Variants in CNTN4 observed in about 807,000 individuals in gnomAD.
CNTN4 encodes contactin 4.
CNTN4 carries 77 observed loss-of-function variants against 122.5 expected under a neutral mutation model. The observed-to-expected ratio is 0.63, with a 90% CI of 0.52 to 0.76. CNTN4 has a LOEUF of 0.76. Among genes scored for constraint, CNTN4 ranks in the 30% least tolerant of loss-of-function variants. The pLI is 0.00. For synonymous variants in CNTN4, 512 were observed against 447.0 expected (o/e 1.15, Z -1.83); for missense variants, 1,256 against 1,259.1 (o/e 1.00, Z 0.04).
At chr3:2,912,866 A>G (rs1486125151) in intron 12 of CNTN4, among the ~76,000 whole-genome samples, 1 of 152,206 alleles carries the variant, frequency 6.6e-6, no homozygotes, top group Non-Finnish European at 1.5e-5. Flanking sequence ...TAAAGGAAAC[A>G]CAAGGCTGGG....
At chr3:2,214,544 T>C (rs2038756627) in intron 2 of CNTN4, among the ~76,000 whole-genome samples, 1 of 152,162 alleles carries the variant, frequency 6.6e-6, no homozygotes, top group African/African-American at 2.4e-5. Context: ...GTTTCTCAGA[T>C]TGAAGGAGAG....
At chr3:2,621,947 C>G (rs1018843125) in intron 4 of CNTN4, among the ~76,000 whole-genome samples, 7 of 152,166 alleles carry the variant, frequency 4.6e-5, no homozygotes, top group African/African-American at 1.7e-4. Flanking sequence ...CATGCTGCTT[C>G]TTGATATCCA....
At chr3:3,031,066 T>G in intron 16 of CNTN4, 91 bp downstream of exon 16, 2 of 1,554,088 alleles carry the variant, frequency 1.3e-6, no homozygotes, top group East Asian at 2.2e-5. Flanking sequence ...GGTTTAGAAT[T>G]ATGGGAAAAA....
At chr3:2,277,122 A>G (rs1056507440) in intron 2 of CNTN4, among the ~76,000 whole-genome samples, 2 of 152,214 alleles carry the variant, frequency 1.3e-5, no homozygotes, top group African/African-American at 4.8e-5. Context: ...TATGTGTTTT[A>G]GAACCCACAC....
rs115381071 is a variant in CNTN4, at chr3:2,963,149, G to A, written c.1359-25196G>A. ...AAACCTAGTAATTAATTTTCTCACC[G>A]TTTCTCTAGTCTATGCCACATCTGC... is the stretch of plus-strand genomic sequence containing the variant. On this transcript the variant is annotated intron_variant, in intron 13 of 24. Coordinates refer to ENST00000418658, the MANE Select transcript of CNTN4 (RefSeq NM_175607.3). Among the ~76,000 whole-genome samples, 41 of 152,134 alleles carry A rather than the reference G, an allele frequency of 2.7e-4. 1 individual carries two copies. The highest frequency in any genetic ancestry group is 6.8e-3 in the Middle Eastern group (2 of 294).
intron 3 of CNTN4, among the ~76,000 whole-genome samples, chr3:2,527,908 G>A: frequency 6.6e-6 from 1 of 152,036 alleles, no homozygotes; most frequent in South Asian, 2.1e-4. Flanking sequence ...TCTAAAGCAA[G>A]AGTTCTGCTT....
intron 10 of CNTN4, among the ~76,000 whole-genome samples, chr3:2,890,930 A>G (rs17586083): frequency 0.4 from 61,106 of 152,042 alleles, 12,910 homozygotes; most frequent in East Asian, 0.59. Context: ...GTAAAATGCT[A>G]TGGATCTCTG....
intron 6 of CNTN4, among the ~76,000 whole-genome samples, chr3:2,763,233 C>A (rs2090680312): frequency 6.6e-6 from 1 of 152,194 alleles, no homozygotes; most frequent in Non-Finnish European, 1.5e-5. Flanking sequence ...GCGTAAGCCA[C>A]CACACGCAGC....
intron 2 of CNTN4, among the ~76,000 whole-genome samples, chr3:2,146,418 G>A (rs2035250567): frequency 6.6e-6 from 1 of 151,666 alleles, no homozygotes; most frequent in Admixed American, 6.6e-5. Context: ...CTATGTAGTA[G>A]CTTTCCAATT....
At chr3:2,971,448 T>C (rs572128851) in intron 13 of CNTN4, among the ~76,000 whole-genome samples, 67 of 152,300 alleles carry the variant, frequency 4.4e-4, no homozygotes, top group African/African-American at 1.6e-3. Flanking sequence ...AATTCAGTGG[T>C]ATACCATAAG....
At chr3:3,045,017 G>A (rs2125816458) in intron 23 of CNTN4, among the ~76,000 whole-genome samples, 1 of 152,302 alleles carries the variant, frequency 6.6e-6, no homozygotes, top group African/African-American at 2.4e-5. Context: ...AGGGTCCCAT[G>A]CCCACAGAGC....
intron 3 of CNTN4, among the ~76,000 whole-genome samples, chr3:2,566,993 T>C (rs994261778): frequency 6.6e-6 from 1 of 152,186 alleles, no homozygotes; most frequent in African/African-American, 2.4e-5. Flanking sequence ...TAAGCAGATC[T>C]TCATACAGGA....
chr3:2,706,627 C>T (rs938595607), intron 4 of CNTN4, among the ~76,000 whole-genome samples: 1 of 152,076 alleles, frequency 6.6e-6, no homozygotes, highest in African/African-American at 2.4e-5. Flanking sequence ...CTCGGGTGAG[C>T]TACCTATGGT....
rs1328751630 is a variant in CNTN4, at chr3:2,862,280, C to G, written c.455-4472C>G. On this transcript the variant is annotated intron_variant, in intron 7 of 24. Coordinates refer to ENST00000418658, the MANE Select transcript of CNTN4 (RefSeq NM_175607.3). ...AACCATCCAGAGAATTCTGATTGAT[C>G]ATTTGTGTAATCTGTTCAATGAGTA... is the stretch of plus-strand genomic sequence containing the variant. Among the ~76,000 whole-genome samples, 3 of 152,244 alleles carry G rather than the reference C, an allele frequency of 2.0e-5. 1 individual carries two copies. Among genetic ancestry groups the G allele is most frequent in the Middle Eastern group, 6.8e-3 (2 of 294 alleles).
chr3:2,325,747 A>T (rs563829100), intron 2 of CNTN4, among the ~76,000 whole-genome samples: 39 of 152,226 alleles, frequency 2.6e-4, no homozygotes, highest in Non-Finnish European at 3.7e-4. Context: ...AAGAATTTTT[A>T]TTTATATATT....
At chr3:2,985,017 T>A (rs1694417987) in intron 13 of CNTN4, among the ~76,000 whole-genome samples, 1 of 152,272 alleles carries the variant, frequency 6.6e-6, no homozygotes, top group South Asian at 2.1e-4. Context: ...AAATGAGGTA[T>A]CAGATGGTCT....
At chr3:2,384,607 G>A (rs2046166670) in intron 3 of CNTN4, among the ~76,000 whole-genome samples, 1 of 152,106 alleles carries the variant, frequency 6.6e-6, no homozygotes, top group Non-Finnish European at 1.5e-5. Flanking sequence ...AGCTAAATCA[G>A]GACTTAAAAT....
intron 4 of CNTN4, among the ~76,000 whole-genome samples, chr3:2,576,020 A>G (rs1350092774): frequency 6.6e-6 from 1 of 151,828 alleles, no homozygotes; most frequent in Non-Finnish European, 1.5e-5. Flanking sequence ...TATTTTTAGT[A>G]GAGACGGGGT....
rs1213469418 is a variant in CNTN4, at chr3:2,564,416, G to C, written c.-88-7000G>C. 2.0e-5 allele frequency among the ~76,000 whole-genome samples: 3 copies of C among 152,198 alleles called. No homozygotes were observed. The East Asian group carries it at 5.8e-4, about 29-fold the overall frequency. On this transcript the variant is annotated intron_variant, in intron 3 of 24. Coordinates refer to ENST00000418658, the MANE Select transcript of CNTN4 (RefSeq NM_175607.3). ...TATATCTAAAACAATTTTAATGGAT[G>C]GGAAGATGATATAATCCGAAAAATT...
Sources: allele counts gnomAD v4.1 joint callset (sites outside exome capture counted in the v4.1 genomes callset), GRCh38; gene constraint gnomAD v4.1.1; transcripts MANE v1.5; gene names NCBI Gene and HGNC (gene_info 2026-07-23, HGNC 2026-07-21).